The following UBAC2 variants were observed in gnomAD, a reference collection of about 807,000 sequenced individuals.
The protein encoded by UBAC2 is ubiquitin-associated domain-containing protein 2.
A neutral mutation model predicts 44.0 loss-of-function variants in UBAC2; 26 were observed. The ratio of observed to expected loss-of-function variants is 0.59; its 90% CI spans 0.43 to 0.82. The LOEUF is 0.82. Among genes scored for constraint, UBAC2 ranks in the 40% least tolerant of loss-of-function variants. The pLI, the probability that UBAC2 is intolerant of heterozygous loss-of-function variation, is 0.00. For missense variants in UBAC2, 329 were observed against 419.4 expected, an observed-to-expected ratio of 0.78 and a Z score of 1.88; for synonymous variants, 155 against 154.3, an observed-to-expected ratio of 1.00 and a Z score of -0.04.
At chr13:99,339,872 T>TCTGATAAATTGATCGTGTGA (rs1425182451) in intron 6 of UBAC2, among the ~76,000 whole-genome samples, 1 of 152,274 alleles carries the variant, frequency 6.6e-6, no homozygotes. Context: ...GTGTTTATTC[T>TCTGATAAATTGATCGTGTGA]CTGATAAATT....
rs35193753 is a variant in UBAC2 at position 99,368,688 on chromosome 13, A to AGTGTGTGTGTGTGTGTGT, written c.927+803_927+820dup. ...CACTATCATCGTAAACTCATGAGAGAGTGTGTGTGTGTGTGTGTGTGTGTG... is the reference window on the plus strand; with the variant it reads ...CACTATCATCGTAAACTCATGAGAGAGTGTGTGTGTGTGTGTGTGTGTGTGTGTGTGTGTGTGTGTGTG... On this transcript the variant is annotated intron_variant, in intron 8 of 8. Transcript: ENST00000403766. 2.9e-3 allele frequency among the ~76,000 whole-genome samples: 422 copies of AGTGTGTGTGTGTGTGTGT among 146,680 alleles called. 3 individuals carry two copies. The highest frequency in any genetic ancestry group is 9.7e-3 in the African/African-American group (381 of 39,418).
intron 4 of UBAC2, among the ~76,000 whole-genome samples, chr13:99,265,537 CT>C (rs1224788014): frequency 1.3e-5 from 2 of 152,228 alleles, no homozygotes; most frequent in African/African-American, 4.8e-5. Context: ...TGACACATCT[CT>C]CTTTGACAGT....
intron 6 of UBAC2, among the ~76,000 whole-genome samples, chr13:99,333,086 AC>A (rs1794463715): frequency 6.9e-6 from 1 of 144,540 alleles, no homozygotes; most frequent in Admixed American, 6.9e-5. Context: ...ACATGGTGAA[AC>A]CCCGTCTCTG....
At chr13:99,384,865 C>T (rs2045600126) in intron 8 of UBAC2, among the ~76,000 whole-genome samples, 1 of 152,160 alleles carries the variant, frequency 6.6e-6, no homozygotes, top group Non-Finnish European at 1.5e-5. Flanking sequence ...GAGCATGGGT[C>T]ACCACCATAG....
At chr13:99,335,232 GTAC>G (rs895950467) in intron 6 of UBAC2, among the ~76,000 whole-genome samples, 44 of 152,254 alleles carry the variant, frequency 2.9e-4, no homozygotes, top group African/African-American at 1.0e-3. Context: ...GCTCTAATTT[GTAC>G]TACATTTTTA....
At chr13:99,361,988 T>C (rs1594171026) in intron 7 of UBAC2, among the ~76,000 whole-genome samples, 1 of 152,154 alleles carries the variant, frequency 6.6e-6, no homozygotes, top group Non-Finnish European at 1.5e-5. Flanking sequence ...GTCTGGACAA[T>C]GTAGCAAGAC....
At chr13:99,340,599 A>G in intron 7 of UBAC2, 34 bp downstream of exon 7, 1 of 1,593,894 alleles carries the variant, frequency 6.3e-7, no homozygotes, top group Non-Finnish European at 8.6e-7. Context: ...AAATTTAGAA[A>G]TTCTCAGTGG....
chr13:99,204,954 AGTGCAGCGGT>A (rs1302983283), intron 1 of UBAC2, among the ~76,000 whole-genome samples: 1 of 117,792 alleles, frequency 8.5e-6, no homozygotes, highest in African/African-American at 3.4e-5. Context: ...GCCAGGCTGG[AGTGCAGCGGT>A]GTGATCTCAG....
At position 99,298,993 on chromosome 13, in the gene UBAC2, A is replaced by T. The variant is rs533197975; in HGVS notation, c.390-15104A>T. 6.6e-5 allele frequency among the ~76,000 whole-genome samples: 10 copies of T among 152,306 alleles called. No individual in the cohort carries two copies. In the South Asian group the frequency reaches 2.1e-3, roughly 32 times the overall value. On this transcript the variant is annotated intron_variant, in intron 4 of 8. Coordinates refer to ENST00000403766, the MANE Select transcript of UBAC2 (RefSeq NM_001144072.2). Reference sequence around the variant, plus strand: ...TTTTTGAGTATTTCTAAGCAGATTCATGGGAATTGCCTTTAAAATACATGG... The same window carrying T: ...TTTTTGAGTATTTCTAAGCAGATTCTTGGGAATTGCCTTTAAAATACATGG...
intron 7 of UBAC2, among the ~76,000 whole-genome samples, chr13:99,348,158 A>G (rs182045261): frequency 1.0e-3 from 152 of 152,314 alleles, no homozygotes; most frequent in African/African-American, 3.5e-3. Flanking sequence ...CCAGTAGAAT[A>G]TGAGCTCTTG....
intron 1 of UBAC2, among the ~76,000 whole-genome samples, chr13:99,216,621 C>T (rs1349881955): frequency 6.6e-6 from 1 of 152,158 alleles, no homozygotes; most frequent in Non-Finnish European, 1.5e-5. Context: ...GAAGATTGTT[C>T]ATATTCCTCC....
intron 7 of UBAC2, among the ~76,000 whole-genome samples, chr13:99,341,734 G>A (rs555850395): frequency 3.9e-5 from 6 of 152,318 alleles, no homozygotes; most frequent in Admixed American, 3.9e-4. Context: ...GTATTTAGCA[G>A]GAGGTAAATC....
chr13:99,284,317 T>C (rs1019117609), intron 4 of UBAC2, among the ~76,000 whole-genome samples: 2 of 152,242 alleles, frequency 1.3e-5, no homozygotes, highest in African/African-American at 4.8e-5. Flanking sequence ...CTATTACTTG[T>C]ATTTTCATTT....
At chr13:99,255,121 CAG>C (rs1382005831) in intron 4 of UBAC2, 1 of 1,613,972 alleles carries the variant, frequency 6.2e-7, no homozygotes, top group Non-Finnish European at 8.5e-7. Flanking sequence ...GAAAGCGAAA[CAG>C]ATGTGGAAGG....
At chr13:99,215,369 A>G (rs989511045) in intron 1 of UBAC2, 30 of 1,078,392 alleles carry the variant, frequency 2.8e-5, no homozygotes, top group Middle Eastern at 4.8e-4. Flanking sequence ...ATCCAGGCAT[A>G]CATTAGACAG....
At chr13:99,355,383 G>A (rs1449736728) in intron 7 of UBAC2, among the ~76,000 whole-genome samples, 1 of 152,194 alleles carries the variant, frequency 6.6e-6, no homozygotes, top group East Asian at 1.9e-4. Context: ...TCCTCGCTGT[G>A]TGGCCCTTAC....
In UBAC2 at chr13:99,295,809, T is replaced by C; in HGVS notation, c.390-18288T>C. On this transcript the variant is annotated intron_variant, in intron 4 of 8. Coordinates refer to ENST00000403766, the MANE Select transcript of UBAC2 (RefSeq NM_001144072.2). This position sits in a 1 kb window ranked among gnomAD's most constrained non-coding sequence, Gnocchi z 4.1. Reference sequence around the variant, plus strand: ...AAGTTCACACCTGCATATGTGTTGATGTAAAACACTAGCGCAGTTATCCTA... The same window carrying C: ...AAGTTCACACCTGCATATGTGTTGACGTAAAACACTAGCGCAGTTATCCTA... 6.2e-7 allele frequency: 1 copy of C among 1,611,404 alleles called. No individual in the cohort carries two copies.
In UBAC2 at chr13:99,238,473, C is replaced by T; in HGVS notation, c.78C>T (p.Leu26=). The change falls in exon 2 of 9, where the codon CTC becomes CTT. Residue 26 remains leucine (L), a synonymous_variant. Coordinates refer to ENST00000403766, the MANE Select transcript of UBAC2 (RefSeq NM_001144072.2). ...SKSLLLVPSA[L]SLLLALLLPH... is the part of the protein sequence containing the mutation. The stretch of plus-strand genomic sequence containing the variant: ...GCCTTCTGCTGGTCCCCAGTGCCCT[C>T]TCCCTCCTGCTCGCCCTCCTCCTGC... 6.2e-7 allele frequency: 1 copy of T among 1,614,010 alleles called. No individual in the cohort carries two copies. The highest frequency in any genetic ancestry group is 8.5e-7 in the Non-Finnish European group (1 of 1,179,912).
At chr13:99,215,788 A>G (rs2042986921) in intron 1 of UBAC2, 1 of 881,218 alleles carries the variant, frequency 1.1e-6, no homozygotes, top group Non-Finnish European at 1.8e-6. Flanking sequence ...CAAGCAAGGC[A>G]GAGAAAGGGC....
Sources: allele counts gnomAD v4.1 joint callset (sites outside exome capture counted in the v4.1 genomes callset), GRCh38; gene constraint gnomAD v4.1.1; non-coding constraint Gnocchi (gnomAD v3.1); transcripts MANE v1.5; gene names NCBI Gene and HGNC (gene_info 2026-07-23, HGNC 2026-07-21).